MPHOSPH8: variants seen among roughly 807,000 people sequenced by gnomAD.
MPHOSPH8 encodes the protein M-phase phosphoprotein, mpp.
MPHOSPH8 carries 45 observed loss-of-function variants against 87.3 expected under a neutral mutation model. The ratio of observed to expected loss-of-function variants is 0.52; its 90% CI spans 0.41 to 0.66. The LOEUF (loss-of-function observed/expected upper bound fraction) is 0.66. MPHOSPH8 is among the 30% of genes least tolerant of loss of function. The probability of loss-of-function intolerance (pLI) is 0.00; values close to 1 mark genes in which losing one functional copy is unlikely to be tolerated. For missense variants in MPHOSPH8, 883 were observed against 1,020.2 expected, an observed-to-expected ratio of 0.87 and a Z score of 1.83; for synonymous variants, 366 against 376.9, an observed-to-expected ratio of 0.97 and a Z score of 0.33.
chr13:19,670,879 C>A (rs111334144), intron 12 of MPHOSPH8: 2 of 1,054,278 alleles, frequency 1.9e-6, no homozygotes, highest in Non-Finnish European at 2.6e-6. Context: ...AGTGCAGTGG[C>A]GCGGATTACA....
At position 19,672,008 on chromosome 13, in the gene MPHOSPH8, G is replaced by GT; in HGVS notation, c.*135dup. The GT allele has an allele frequency of 1.2e-6, 1 of 862,754 alleles. No homozygotes were observed. Among genetic ancestry groups the GT allele is most frequent in the Non-Finnish European group, 1.9e-6 (1 of 537,926 alleles). 53.4% of individuals were successfully genotyped at this position (862,754 alleles called of 1,614,324 possible). The stretch of plus-strand genomic sequence containing the variant: ...CCTCTTGCAGTTAAGCCTGTTGTCT[G>GT]TTGTAGTCTGTAAGATGCGACATAG... On this transcript the variant is annotated 3_prime_UTR_variant, in exon 14 of 14. Coordinates refer to ENST00000361479, the MANE Select transcript of MPHOSPH8 (RefSeq NM_017520.4).
intron 9 of MPHOSPH8, among the ~76,000 whole-genome samples, chr13:19,665,624 C>T (rs1326012742): frequency 6.6e-6 from 1 of 152,160 alleles, no homozygotes; most frequent in South Asian, 2.1e-4. Flanking sequence ...TGGATGACAC[C>T]GTTGTCGGGG....
intron 5 of MPHOSPH8, among the ~76,000 whole-genome samples, chr13:19,658,188 T>C (rs760792789): frequency 6.6e-6 from 1 of 152,226 alleles, no homozygotes; most frequent in Non-Finnish European, 1.5e-5. Flanking sequence ...AGTTCTTCAT[T>C]TATTGCATAT....
At chr13:19,666,275 T>C in intron 9 of MPHOSPH8, 150 bp from the exon 10 acceptor site, 1 of 673,064 alleles carries the variant, frequency 1.5e-6, no homozygotes, top group Non-Finnish European at 2.4e-6. Flanking sequence ...CTCCTAACGC[T>C]GTGGCCTGAC....
intron 5 of MPHOSPH8, among the ~76,000 whole-genome samples, chr13:19,658,459 T>C (rs1875321861): frequency 1.1e-5 from 1 of 91,538 alleles, no homozygotes; most frequent in African/African-American, 3.4e-5. Flanking sequence ...GGGAAGACTC[T>C]AGCAATACCT....
rs140093644 is a variant in MPHOSPH8, at chr13:19,646,460, C to T, written c.387C>T (p.Asn129=). 344 of 1,502,942 alleles carry T rather than the reference C, an allele frequency of 2.3e-4. No individual in the cohort carries two copies. Among genetic ancestry groups the T allele is most frequent in the Middle Eastern group, 7.2e-4 (4 of 5,594 alleles). The allele number at this position is 1,502,942 out of a possible 1,614,324, so 93.1% of individuals were successfully genotyped here. ...RKDIQRLSLN[N]DIFEANSDSD... ...TTTTATAGAGACTATCCTTAAATAA[C>T]GACATATTTGAGGCGAACTCTGATA... Residue 129 remains asparagine, a synonymous_variant, in exon 3 of 14, where the codon AAC becomes AAT. Coordinates refer to ENST00000361479, the MANE Select transcript of MPHOSPH8 (RefSeq NM_017520.4).
intron 4 of MPHOSPH8, among the ~76,000 whole-genome samples, chr13:19,649,419 T>C (rs937915871): frequency 1.3e-5 from 2 of 152,212 alleles, no homozygotes; most frequent in Non-Finnish European, 2.9e-5. Context: ...ATAAAACCTG[T>C]CTGCTGTGTA....
At chr13:19,637,566 C>T (rs1203761763) in intron 1 of MPHOSPH8, among the ~76,000 whole-genome samples, 1 of 151,918 alleles carries the variant, frequency 6.6e-6, no homozygotes, top group Non-Finnish European at 1.5e-5. Context: ...CTGATAAAAT[C>T]CACCCGCCTC....
chr13:19,670,105 C>T (rs1876040382), intron 11 of MPHOSPH8, 131 bp from the exon 12 acceptor site: 2 of 1,060,508 alleles, frequency 1.9e-6, no homozygotes, highest in Non-Finnish European at 2.8e-6. Context: ...CTCCTCTGAG[C>T]CTCCAGGCAG....
In MPHOSPH8 at chr13:19,642,240, C is replaced by G. The variant is rs1354671250; in HGVS notation, c.339C>G (p.Asn113Lys). ...AATTTAGGAAGAAAATTGCAGAGAA[C>G]AAAGCCAAAGCAGTCAGGAAGGATA... The part of the protein sequence containing the change: ...LLEFRKKIAE[N>K]KAKAVRKDIQ... The change falls in exon 2 of 14, where the codon AAC becomes AAG. Residue 113 changes from asparagine to lysine, a missense_variant. Transcript: ENST00000361479. 9 of 1,605,592 alleles carry G rather than the reference C, an allele frequency of 5.6e-6. No homozygotes were observed. The highest frequency in any genetic ancestry group is 7.6e-6 in the Non-Finnish European group (9 of 1,177,574).
chr13:19,641,582 T>C (rs565385981), intron 1 of MPHOSPH8, among the ~76,000 whole-genome samples: 1 of 149,804 alleles, frequency 6.7e-6, no homozygotes, highest in East Asian at 2.0e-4. Flanking sequence ...AACCTCTGCC[T>C]TCTGGGTTCA....
At chr13:19,635,170 A>G (rs1873938407) in intron 1 of MPHOSPH8, among the ~76,000 whole-genome samples, 1 of 152,224 alleles carries the variant, frequency 6.6e-6, no homozygotes, top group Admixed American at 6.5e-5. Context: ...CCACTGTTAG[A>G]CTATTTTGTA....
chr13:19,656,566 C>T (rs1282710525), intron 5 of MPHOSPH8, among the ~76,000 whole-genome samples: 2 of 152,046 alleles, frequency 1.3e-5, no homozygotes, highest in African/African-American at 2.4e-5. Flanking sequence ...TTGAGACCAG[C>T]CTGGCCAACA....
In MPHOSPH8 at chr13:19,650,251, G is replaced by A. The variant is rs745974518; in HGVS notation, c.1567G>A (p.Glu523Lys). The A allele has an allele frequency of 1.2e-6, 2 of 1,612,482 alleles. No homozygotes were observed. Among genetic ancestry groups the A allele is most frequent in the African/African-American group, 2.7e-5 (2 of 74,912 alleles). ...TTTAGACAGCGTGTGCCAAGCAGAT[G>A]AGAATTCAGGTGAGTTTGGAATCAT... ...EVLDSVCQAD[E>K]NSDGRQQILS... The change falls in exon 5 of 14, where the codon GAG becomes AAG. Residue 523 changes from glutamate (E) to lysine (K), a missense_variant. Transcript: ENST00000361479.
intron 9 of MPHOSPH8, among the ~76,000 whole-genome samples, chr13:19,663,958 A>G (rs942124412): frequency 6.6e-6 from 1 of 152,070 alleles, no homozygotes; most frequent in Non-Finnish European, 1.5e-5. Context: ...CCCTCTTCTG[A>G]TGGCCTGGAC....
At chr13:19,642,295 T>C (rs1485487703) in intron 2 of MPHOSPH8, 25 bp downstream of exon 2, 1 of 1,530,060 alleles carries the variant, frequency 6.5e-7, no homozygotes, top group Non-Finnish European at 8.8e-7. Context: ...CTCATATTTG[T>C]TTTTACATAC....
chr13:19,653,117 C>G (rs534250098), intron 5 of MPHOSPH8, among the ~76,000 whole-genome samples: 1 of 152,136 alleles, frequency 6.6e-6, no homozygotes, highest in Non-Finnish European at 1.5e-5. Flanking sequence ...GGTCCCTGAC[C>G]CCCATGTCTC....
chr13:19,643,019 G>A lies in MPHOSPH8; in HGVS notation c.369+749G>A, dbSNP rs17085189. 9.3e-3 allele frequency among the ~76,000 whole-genome samples: 1,410 copies of A among 152,258 alleles called. 29 individuals carry two copies. The highest frequency in any genetic ancestry group is 0.033 in the African/African-American group (1,351 of 41,534). On this transcript the variant is annotated intron_variant, in intron 2 of 13. Transcript: ENST00000361479. ...AGGTGTATTTATAAGATGACCACTG[G>A]TCTGTCATGAGCTTTGAGTGATGTT...
intron 9 of MPHOSPH8, among the ~76,000 whole-genome samples, chr13:19,666,144 T>G (rs1170062859): frequency 6.6e-6 from 1 of 152,234 alleles, no homozygotes; most frequent in African/African-American, 2.4e-5. Flanking sequence ...GCATCCTTTT[T>G]GAAGTTGCCC....
Sources: gnomAD v4.1 joint callset for allele counts (sites outside exome capture counted in the v4.1 genomes callset) on GRCh38, gnomAD v4.1.1 for gene constraint, MANE v1.5 for transcripts, NCBI Gene and HGNC (gene_info 2026-07-23, HGNC 2026-07-21) for gene names.